Variants in DCC observed in about 807,000 individuals in gnomAD.
The protein encoded by DCC is DCC netrin 1 receptor.
A neutral mutation model predicts 172.5 loss-of-function variants in DCC; 58 were observed. The observed-to-expected ratio is 0.34, with a 90% CI of 0.27 to 0.42. DCC has a LOEUF of 0.42. Ranked by LOEUF, DCC falls within the 10% of genes least tolerant of loss-of-function variation. The probability of loss-of-function intolerance (pLI) is 1.00; values close to 1 mark genes in which losing one functional copy is unlikely to be tolerated. For synonymous variants in DCC, 709 were observed against 644.5 expected (o/e 1.10, Z -1.52); for missense variants, 1,740 against 1,791.0 (o/e 0.97, Z 0.51).
At chr18:52,527,738 GT>G (rs2032025441) in intron 1 of DCC, among the ~76,000 whole-genome samples, 1 of 152,124 alleles carries the variant, frequency 6.6e-6, no homozygotes, top group South Asian at 2.1e-4. Flanking sequence ...AATTCAAGTT[GT>G]CCTGAGATTA....
chr18:52,877,209 A>G (rs142745713), intron 2 of DCC, among the ~76,000 whole-genome samples: 2,301 of 152,210 alleles, frequency 0.015, 41 homozygotes, highest in African/African-American at 0.039. Flanking sequence ...CTTGTGCATT[A>G]TAGGAAGTCT....
At chr18:52,701,427 T>G (rs2036121329) in intron 1 of DCC, among the ~76,000 whole-genome samples, 1 of 152,180 alleles carries the variant, frequency 6.6e-6, no homozygotes, top group African/African-American at 2.4e-5. Flanking sequence ...CTGTGGGAGT[T>G]TCCTTCCTTC....
At chr18:53,233,098 A>G (rs1301179662) in intron 12 of DCC, among the ~76,000 whole-genome samples, 1 of 152,102 alleles carries the variant, frequency 6.6e-6, no homozygotes, top group Non-Finnish European at 1.5e-5. Context: ...CTGATGAACT[A>G]CCTTGCCTGT....
rs1555682851 is a variant in DCC, at chr18:52,927,148, T to TGTATATACAC, written c.985+1785_985+1786insCACGTATATA. On this transcript the variant is annotated intron_variant, in intron 5 of 28. Coordinates refer to ENST00000442544, the MANE Select transcript of DCC (RefSeq NM_005215.4). ...ATACACGTATATACGTGTATATATGTGTATATATACGTATATATGTGTATA... is the reference window on the plus strand; with the variant it reads ...ATACACGTATATACGTGTATATATGTGTATATACACGTATATATACGTATATATGTGTATA... Among the ~76,000 whole-genome samples, 259 of 40,710 alleles carry TGTATATACAC rather than the reference T, an allele frequency of 6.4e-3. 76 individuals are homozygous for TGTATATACAC. The highest frequency in any genetic ancestry group is 0.011 in the Non-Finnish European group (182 of 16,700). The allele number at this position is 40,710 out of a possible 152,430, so 26.7% of individuals were successfully genotyped here. A position where few individuals can be genotyped will look rare whatever the true frequency, so the allele number is the denominator to read the frequency against.
At chr18:52,694,931 A>G (rs2145020446) in intron 1 of DCC, among the ~76,000 whole-genome samples, 1 of 152,324 alleles carries the variant, frequency 6.6e-6, no homozygotes, top group South Asian at 2.1e-4. Flanking sequence ...TACAATTTCT[A>G]GAGCAGATAA....
chr18:52,397,991 T>C (rs928088511), intron 1 of DCC, among the ~76,000 whole-genome samples: 17 of 152,004 alleles, frequency 1.1e-4, no homozygotes, highest in African/African-American at 4.1e-4. Context: ...TGTTTGCTTT[T>C]AAGTAATAGG....
chr18:52,970,749 T>C (rs1005094091), intron 5 of DCC, among the ~76,000 whole-genome samples: 1 of 152,170 alleles, frequency 6.6e-6, no homozygotes, highest in Non-Finnish European at 1.5e-5. Context: ...AGACTAAGCA[T>C]TGGGAGAATT....
At chr18:52,830,007 A>G (rs2038585070) in intron 2 of DCC, among the ~76,000 whole-genome samples, 1 of 152,096 alleles carries the variant, frequency 6.6e-6, no homozygotes, top group Non-Finnish European at 1.5e-5. Context: ...AGCCTTAAAG[A>G]TTTCTGGAGG....
intron 1 of DCC, among the ~76,000 whole-genome samples, chr18:52,464,630 T>C (rs1329939406): frequency 1.3e-5 from 2 of 152,208 alleles, no homozygotes; most frequent in African/African-American, 4.8e-5. Context: ...TGCTCAGATC[T>C]GTACTGGCAT....
At chr18:53,088,872 A>G (rs1238313986) in intron 7 of DCC, among the ~76,000 whole-genome samples, 1 of 152,192 alleles carries the variant, frequency 6.6e-6, no homozygotes, top group Non-Finnish European at 1.5e-5. Flanking sequence ...CATTGTGAAT[A>G]TTAAAAAAGA....
intron 11 of DCC, among the ~76,000 whole-genome samples, chr18:53,209,592 C>T (rs1007530386): frequency 6.6e-6 from 1 of 152,108 alleles, no homozygotes; most frequent in Non-Finnish European, 1.5e-5. Flanking sequence ...AAAGAGAACA[C>T]AGGAATAATG....
At chr18:52,828,898 T>C (rs1790401947) in intron 2 of DCC, among the ~76,000 whole-genome samples, 1 of 152,228 alleles carries the variant, frequency 6.6e-6, no homozygotes, top group African/African-American at 2.4e-5. Context: ...TTATTTGCTT[T>C]TATTCCAATT....
At chr18:53,092,373 C>A (rs1456190874) in intron 7 of DCC, among the ~76,000 whole-genome samples, 1 of 152,128 alleles carries the variant, frequency 6.6e-6, no homozygotes, top group Admixed American at 6.5e-5. Context: ...TTGCCTGTCA[C>A]TCTCTCCTGC....
At chr18:53,157,233 C>A in intron 7 of DCC, 123 bp from the exon 8 acceptor site, 1 of 1,219,244 alleles carries the variant, frequency 8.2e-7, no homozygotes, top group African/African-American at 1.5e-5. Context: ...GGTTTTCTTC[C>A]TTGCTTTAGA....
At chr18:53,498,384 G>GTCA (rs2046051985) in intron 26 of DCC, among the ~76,000 whole-genome samples, 1 of 152,102 alleles carries the variant, frequency 6.6e-6, no homozygotes, top group Non-Finnish European at 1.5e-5. Flanking sequence ...TAAGAAATAA[G>GTCA]TCATCAGAAA....
At chr18:53,415,592 C>A (rs10502976) in intron 20 of DCC, among the ~76,000 whole-genome samples, 65,587 of 151,800 alleles carry the variant, frequency 0.43, 15,974 homozygotes, top group Non-Finnish European at 0.56. Flanking sequence ...CTTGTAAGTC[C>A]TCTGAAGTTG....
chr18:53,046,953 C>T lies in DCC; in HGVS notation c.986-16352C>T, dbSNP rs1483808543. 1.7e-4 allele frequency among the ~76,000 whole-genome samples: 26 copies of T among 151,558 alleles called. No individual in the cohort carries two copies. In the East Asian group the frequency reaches 5.2e-3, roughly 30 times the overall value. On this transcript the variant is annotated intron_variant, in intron 5 of 28. Transcript: ENST00000442544. ...TTTAATGCAGTGGCTTTTCCCAGGT[C>T]TTCCTGTGTTTGTTCTCCTTTCACC...
At chr18:52,977,632 T>A (rs2041140021) in intron 5 of DCC, among the ~76,000 whole-genome samples, 1 of 152,114 alleles carries the variant, frequency 6.6e-6, no homozygotes, top group South Asian at 2.1e-4. Context: ...ATGCCTGTAG[T>A]CCCAGCACTT....
rs2046558213 is a variant in DCC at position 53,534,947 on chromosome 18, A to G, written c.*4294A>G. On this transcript the variant is annotated 3_prime_UTR_variant, in exon 29 of 29. Coordinates refer to ENST00000442544, the MANE Select transcript of DCC (RefSeq NM_005215.4). ...GAGAGCCTTTGTACATTGTCATCCT[A>G]TGATTGTTGTTGGTAGAAGAGCAAG... 1 of 152,118 alleles carries G rather than the reference A, an allele frequency of 6.6e-6. No homozygotes were observed. The highest frequency in any genetic ancestry group is 1.5e-5 in the Non-Finnish European group (1 of 68,020). 9.4% of individuals were successfully genotyped at this position (152,118 alleles called of 1,614,324 possible).
Sources: gnomAD v4.1 joint callset for allele counts (sites outside exome capture counted in the v4.1 genomes callset) on GRCh38, gnomAD v4.1.1 for gene constraint, MANE v1.5 for transcripts, NCBI Gene and HGNC (gene_info 2026-07-23, HGNC 2026-07-21) for gene names.